NTNG1: variants seen among roughly 807,000 people sequenced by gnomAD.
NTNG1 encodes the protein netrin G1.
NTNG1 carries 16 observed loss-of-function variants against 54.0 expected under a neutral mutation model. That is an observed-to-expected ratio of 0.30 (90% CI 0.20 to 0.45). The LOEUF is 0.45. NTNG1 is among the 20% of genes least tolerant of loss of function. The pLI is 1.00. For missense variants in NTNG1, 530 were observed against 678.7 expected, an observed-to-expected ratio of 0.78 and a Z score of 2.43; for synonymous variants, 255 against 263.1, an observed-to-expected ratio of 0.97 and a Z score of 0.30.
chr1:107,243,381 A>G (rs1661971658), intron 2 of NTNG1, among the ~76,000 whole-genome samples: 1 of 152,246 alleles, frequency 6.6e-6, no homozygotes, highest in Non-Finnish European at 1.5e-5. Flanking sequence ...CAACCTTAAA[A>G]TGGAATCCTA....
chr1:107,201,334 T>C (rs1359292516), intron 2 of NTNG1, among the ~76,000 whole-genome samples: 1 of 151,824 alleles, frequency 6.6e-6, no homozygotes, highest in Non-Finnish European at 1.5e-5. Context: ...TTGTCCTCAA[T>C]CTTCCAATCT....
intron 3 of NTNG1, among the ~76,000 whole-genome samples, chr1:107,361,761 C>T (rs1310591227): frequency 1.3e-5 from 2 of 152,010 alleles, no homozygotes; most frequent in East Asian, 1.9e-4. Context: ...TTTTGACACT[C>T]GGGAAATGAC....
At chr1:107,377,496 T>C (rs532182907) in intron 3 of NTNG1, among the ~76,000 whole-genome samples, 5 of 152,350 alleles carry the variant, frequency 3.3e-5, no homozygotes, top group South Asian at 2.1e-4. Context: ...ACAATGGCTC[T>C]GTTCAACCAG....
intron 2 of NTNG1, among the ~76,000 whole-genome samples, chr1:107,267,683 C>A (rs759354535): frequency 2.0e-5 from 3 of 152,158 alleles, no homozygotes; most frequent in Non-Finnish European, 2.9e-5. Flanking sequence ...GGTCTTTGAA[C>A]GTGCTGCTTT....
chr1:107,474,000 A>G (rs192643552), intron 7 of NTNG1, among the ~76,000 whole-genome samples: 1 of 152,374 alleles, frequency 6.6e-6, no homozygotes, highest in East Asian at 1.9e-4. Flanking sequence ...TGGATACTCC[A>G]TAAATGAATT....
At chr1:107,300,721 G>A (rs1045685490) in intron 2 of NTNG1, among the ~76,000 whole-genome samples, 1 of 152,124 alleles carries the variant, frequency 6.6e-6, no homozygotes, top group African/African-American at 2.4e-5. Flanking sequence ...GTTGATTGTA[G>A]TATTTATGTC....
Position 107,378,532 on chromosome 1 carries a change from C to T in NTNG1, c.888-16622C>T, listed in dbSNP as rs114377021. Among the ~76,000 whole-genome samples the T allele has an allele frequency of 8.1e-3, 1,231 of 152,222 alleles. 19 individuals are homozygous for T. Among genetic ancestry groups the T allele is most frequent in the African/African-American group, 0.028 (1,174 of 41,526 alleles). The stretch of plus-strand genomic sequence containing the variant: ...GGGTACTTGGGGATGGGGGAACAGC[C>T]TTGGAATGCAGAGTCACAGCCACGG... On this transcript the variant is annotated intron_variant, in intron 3 of 7. Coordinates refer to ENST00000370068, the MANE Select transcript of NTNG1 (RefSeq NM_001113226.3).
At chr1:107,380,269 G>A (rs1210918127) in intron 3 of NTNG1, among the ~76,000 whole-genome samples, 3 of 152,148 alleles carry the variant, frequency 2.0e-5, no homozygotes, top group Non-Finnish European at 4.4e-5. Flanking sequence ...GCAAGGCAAA[G>A]TGATCTCCAT....
intron 2 of NTNG1, among the ~76,000 whole-genome samples, chr1:107,248,516 G>A (rs72699322): frequency 0.039 from 5,987 of 152,174 alleles, 128 homozygotes; most frequent in Non-Finnish European, 0.052. Flanking sequence ...ATTACCTAGC[G>A]TACTTTCACT....
chr1:107,243,535 G>T (rs1661980882), intron 2 of NTNG1, among the ~76,000 whole-genome samples: 1 of 152,196 alleles, frequency 6.6e-6, no homozygotes, highest in African/African-American at 2.4e-5. Context: ...GTATAAGTTG[G>T]TTGTGCTGGG....
intron 3 of NTNG1, among the ~76,000 whole-genome samples, chr1:107,332,179 G>T (rs181365573): frequency 1.3e-5 from 2 of 152,000 alleles, no homozygotes; most frequent in Admixed American, 6.6e-5. Context: ...TTTCCTCTGA[G>T]GTTTGTACTA....
chr1:107,299,225 G>A (rs1219667652), intron 2 of NTNG1, among the ~76,000 whole-genome samples: 1 of 152,128 alleles, frequency 6.6e-6, no homozygotes, highest in East Asian at 1.9e-4. Context: ...AGCAAAGTCA[G>A]TCTAACCAAC....
At chr1:107,236,692 C>G (rs1336530018) in intron 2 of NTNG1, among the ~76,000 whole-genome samples, 1 of 152,110 alleles carries the variant, frequency 6.6e-6, no homozygotes, top group East Asian at 1.9e-4. Context: ...TTCCTGCACT[C>G]TTCTCATGAT....
intron 2 of NTNG1, among the ~76,000 whole-genome samples, chr1:107,265,196 T>G (rs988378432): frequency 1.3e-5 from 2 of 152,142 alleles, no homozygotes; most frequent in Admixed American, 6.5e-5. Context: ...AATTACAGAA[T>G]AGTAGATGCT....
chr1:107,196,831 T>A (rs931241256), intron 2 of NTNG1, among the ~76,000 whole-genome samples: 9 of 152,008 alleles, frequency 5.9e-5, no homozygotes, highest in Non-Finnish European at 1.2e-4. Context: ...ATGGATGATC[T>A]GTGTCTTTCA....
intron 7 of NTNG1, among the ~76,000 whole-genome samples, chr1:107,471,916 C>T (rs552440319): frequency 2.6e-5 from 4 of 152,288 alleles, no homozygotes; most frequent in African/African-American, 9.6e-5. Flanking sequence ...TGAACTTTAA[C>T]AAAGTATACT....
intron 3 of NTNG1, among the ~76,000 whole-genome samples, chr1:107,367,238 A>G (rs1380406899): frequency 3.3e-5 from 5 of 152,166 alleles, no homozygotes; most frequent in African/African-American, 9.7e-5. Flanking sequence ...GCCTGCCCCA[A>G]AGAAGAAGTA....
chr1:107,329,281 C>G (rs939483358), intron 3 of NTNG1, among the ~76,000 whole-genome samples: 1 of 152,140 alleles, frequency 6.6e-6, no homozygotes, highest in Non-Finnish European at 1.5e-5. Context: ...AGGGCCAGGA[C>G]CAGAGCCACT....
At chr1:107,258,257 GT>G (rs557783183) in intron 2 of NTNG1, among the ~76,000 whole-genome samples, 30 of 133,728 alleles carry the variant, frequency 2.2e-4, no homozygotes, top group Middle Eastern at 3.8e-3. Context: ...AGAGTTGTTG[GT>G]TTTTTTTTTT....
Sources: gnomAD v4.1 joint callset for allele counts (sites outside exome capture counted in the v4.1 genomes callset) on GRCh38, gnomAD v4.1.1 for gene constraint, MANE v1.5 for transcripts, NCBI Gene and HGNC (gene_info 2026-07-23, HGNC 2026-07-21) for gene names.